DLG2: variants seen among roughly 807,000 people sequenced by gnomAD.
DLG2 encodes disks large homolog 2.
DLG2 carries 45 observed loss-of-function variants against 132.5 expected under a neutral mutation model. The ratio of observed to expected loss-of-function variants is 0.34; its 90% CI spans 0.27 to 0.44. The LOEUF (loss-of-function observed/expected upper bound fraction) is 0.44, where lower values mean the gene tolerates loss of function less well. Among genes scored for constraint, DLG2 ranks in the 20% least tolerant of loss-of-function variants. The probability of loss-of-function intolerance (pLI) is 1.00; values close to 1 mark genes in which losing one functional copy is unlikely to be tolerated. For synonymous variants in DLG2, 424 were observed against 419.6 expected (o/e 1.01, Z -0.13); for missense variants, 1,045 against 1,196.9 (o/e 0.87, Z 1.87).
intron 18 of DLG2, among the ~76,000 whole-genome samples, chr11:83,772,821 T>C (rs2094452080): frequency 6.6e-6 from 1 of 152,206 alleles, no homozygotes; most frequent in Non-Finnish European, 1.5e-5. Flanking sequence ...TATTCCTCTA[T>C]GGTCTTAGTT....
At chr11:85,077,319 G>T (rs541999450) in intron 6 of DLG2, among the ~76,000 whole-genome samples, 35 of 152,092 alleles carry the variant, frequency 2.3e-4, no homozygotes, top group Non-Finnish European at 4.3e-4. Flanking sequence ...CTCATAGGAG[G>T]TTAATGTTCA....
At chr11:84,843,579 A>G (rs1244908787) in intron 6 of DLG2, among the ~76,000 whole-genome samples, 1 of 151,956 alleles carries the variant, frequency 6.6e-6, no homozygotes, top group East Asian at 1.9e-4. Context: ...CCCAGACACC[A>G]ACATTCACAG....
At chr11:84,205,392 T>C (rs1448616785) in intron 8 of DLG2, among the ~76,000 whole-genome samples, 1 of 152,252 alleles carries the variant, frequency 6.6e-6, no homozygotes, top group East Asian at 1.9e-4. Context: ...AAATTGGCAC[T>C]ATATATATTA....
intron 3 of DLG2, among the ~76,000 whole-genome samples, chr11:85,565,638 T>C (rs1359473862): frequency 6.6e-6 from 1 of 152,100 alleles, no homozygotes; most frequent in Non-Finnish European, 1.5e-5. Flanking sequence ...TTCTTTCACT[T>C]AGCATAATGT....
At chr11:85,430,783 C>G (rs1301089203) in intron 3 of DLG2, among the ~76,000 whole-genome samples, 1 of 150,438 alleles carries the variant, frequency 6.6e-6, no homozygotes, top group Non-Finnish European at 1.5e-5. Context: ...AAGCACAACA[C>G]TCAATCAGGA....
intron 11 of DLG2, among the ~76,000 whole-genome samples, chr11:84,040,803 AC>A (rs2096055388): frequency 6.6e-6 from 1 of 151,596 alleles, no homozygotes; most frequent in East Asian, 2.0e-4. Flanking sequence ...TCTGTAAATT[AC>A]CTTGGGCAGT....
At chr11:83,475,696 C>G (rs1236038359) in intron 22 of DLG2, among the ~76,000 whole-genome samples, 1 of 141,956 alleles carries the variant, frequency 7.0e-6, no homozygotes, top group Non-Finnish European at 1.5e-5. Flanking sequence ...AGTTCTCTCT[C>G]TTTTCTTTTC....
At chr11:84,146,028 A>G (rs1476261290) in intron 9 of DLG2, among the ~76,000 whole-genome samples, 4 of 152,184 alleles carry the variant, frequency 2.6e-5, no homozygotes, top group Non-Finnish European at 5.9e-5. Flanking sequence ...TGCACACACA[A>G]AAGCCAGCTG....
chr11:84,166,173 T>C (rs2095657161), intron 8 of DLG2, among the ~76,000 whole-genome samples: 1 of 151,838 alleles, frequency 6.6e-6, no homozygotes. Flanking sequence ...GGCAAATATC[T>C]TGAGGGAAAG....
chr11:85,173,775 G>A (rs1012442504), intron 4 of DLG2, among the ~76,000 whole-genome samples: 1 of 152,046 alleles, frequency 6.6e-6, no homozygotes, highest in East Asian at 1.9e-4. Context: ...AGGGATGGAG[G>A]AAAATTTACC....
chr11:84,242,674 G>A (rs2097248386), intron 8 of DLG2, among the ~76,000 whole-genome samples: 1 of 152,020 alleles, frequency 6.6e-6, no homozygotes, highest in Non-Finnish European at 1.5e-5. Flanking sequence ...CCATAATGCT[G>A]GGATTACAGG....
intron 7 of DLG2, among the ~76,000 whole-genome samples, chr11:84,309,873 T>A (rs1234885974): frequency 3.3e-5 from 5 of 152,236 alleles, no homozygotes; most frequent in Admixed American, 1.3e-4. Flanking sequence ...AAATTTACAA[T>A]AGGTGGTTCC....
intron 19 of DLG2, among the ~76,000 whole-genome samples, chr11:83,590,473 T>C (rs944045010): frequency 2.0e-5 from 3 of 152,238 alleles, no homozygotes; most frequent in African/African-American, 7.2e-5. Flanking sequence ...CCAGAATCTC[T>C]GGGACACATT....
At chr11:83,842,950 T>C (rs1277230247) in intron 16 of DLG2, among the ~76,000 whole-genome samples, 1 of 152,088 alleles carries the variant, frequency 6.6e-6, no homozygotes, top group African/African-American at 2.4e-5. Context: ...ACAACCTCCA[T>C]GGTGAGAGGC....
At chr11:84,331,834 G>A (rs1304446478) in intron 7 of DLG2, among the ~76,000 whole-genome samples, 1 of 152,070 alleles carries the variant, frequency 6.6e-6, no homozygotes, top group East Asian at 1.9e-4. Flanking sequence ...CAGATCTCAC[G>A]CATAAGCCAA....
chr11:84,672,884 C>G (rs987289693), intron 6 of DLG2, among the ~76,000 whole-genome samples: 2 of 152,072 alleles, frequency 1.3e-5, no homozygotes, highest in Non-Finnish European at 2.9e-5. Context: ...AGCATGGCAG[C>G]ATCAGCATCT....
intron 2 of DLG2, among the ~76,000 whole-genome samples, chr11:85,618,987 T>C (rs1591364227): frequency 1.3e-5 from 2 of 152,306 alleles, no homozygotes; most frequent in Middle Eastern, 6.8e-3. Context: ...TAAAATAAAA[T>C]CAATTAACAG....
At chr11:85,001,754 A>G (rs1441316103) in intron 6 of DLG2, among the ~76,000 whole-genome samples, 1 of 152,214 alleles carries the variant, frequency 6.6e-6, no homozygotes, top group African/African-American at 2.4e-5. Flanking sequence ...AATGTAAACT[A>G]TTGACTTTGG....
chr11:84,540,746 G>A (rs1360537013), intron 6 of DLG2, among the ~76,000 whole-genome samples: 3 of 152,150 alleles, frequency 2.0e-5, no homozygotes, highest in African/African-American at 7.2e-5. Context: ...GCACACGTAT[G>A]TTTATTGAGG....
Sources: gnomAD v4.1 joint callset for allele counts (sites outside exome capture counted in the v4.1 genomes callset) on GRCh38, gnomAD v4.1.1 for gene constraint, MANE v1.5 for transcripts, NCBI Gene and HGNC (gene_info 2026-07-23, HGNC 2026-07-21) for gene names.